DPP6: variants seen among roughly 807,000 people sequenced by gnomAD.
DPP6 encodes the protein dipeptidyl peptidase like 6, also known as A-type potassium channel modulatory protein DPP6.
Under a neutral mutation model 122.6 loss-of-function variants are expected in DPP6, and 69 were observed. That is an observed-to-expected ratio of 0.56 (90% confidence interval 0.46 to 0.69). The LOEUF (loss-of-function observed/expected upper bound fraction) is 0.69, where lower values mean the gene tolerates loss of function less well. Among genes scored for constraint, DPP6 ranks in the 30% least tolerant of loss-of-function variants. DPP6 has a pLI of 0.00. For missense variants in DPP6, 928 were observed against 1,116.9 expected (o/e 0.83, Z 2.41); for synonymous variants, 418 against 433.1 (o/e 0.97, Z 0.43).
intron 4 of DPP6, among the ~76,000 whole-genome samples, chr7:154,563,043 C>A (rs1186573202): frequency 2.0e-5 from 3 of 151,934 alleles, no homozygotes; most frequent in Non-Finnish European, 4.4e-5. Flanking sequence ...TATGATTAGA[C>A]CTAGAGAAAC....
chr7:154,193,089 A>G (rs1798693083), intron 1 of DPP6, among the ~76,000 whole-genome samples: 1 of 152,270 alleles, frequency 6.6e-6, no homozygotes, highest in Admixed American at 6.5e-5. Flanking sequence ...GCCATGGAAG[A>G]GCCAACAAAC....
In DPP6 at chr7:154,574,464, G is replaced by A. The variant is rs1027802973; in HGVS notation, c.627+7548G>A. 4.9e-3 allele frequency among the ~76,000 whole-genome samples: 574 copies of A among 117,092 alleles called. 14 individuals are homozygous for A. In the East Asian group the frequency reaches 0.086, roughly 18 times the overall value. 76.8% of individuals were successfully genotyped at this position (117,092 alleles called of 152,430 possible). On this transcript the variant is annotated intron_variant, in intron 5 of 25. Transcript: ENST00000377770. ...TATGTGTGTGGTGTGTGTGTGGTAC[G>A]TGTATATGTGTGTGGTGTGTGTATG...
intron 1 of DPP6, among the ~76,000 whole-genome samples, chr7:154,275,726 G>A (rs138396864): frequency 2.2e-4 from 33 of 152,328 alleles, no homozygotes; most frequent in Non-Finnish European, 4.0e-4. Flanking sequence ...TCTGTGAGAC[G>A]TTGTGGGGAA....
the DPP6 span, among the ~76,000 whole-genome samples, chr7:153,836,156 C>T: frequency 5.8e-4 from 89 of 152,196 alleles, no homozygotes; most frequent in Admixed American, 1.7e-3. Flanking sequence ...CTCAGTGGTG[C>T]ACAGATTTCA....
intron 1 of DPP6, among the ~76,000 whole-genome samples, chr7:154,372,974 C>G (rs961845189): frequency 6.6e-6 from 1 of 152,188 alleles, no homozygotes; most frequent in African/African-American, 2.4e-5. Context: ...AAATGGAGTT[C>G]GCGTCTCTTC....
At chr7:153,798,381 C>T in the DPP6 span, among the ~76,000 whole-genome samples, 1 of 152,130 alleles carries the variant, frequency 6.6e-6, no homozygotes, top group Non-Finnish European at 1.5e-5. Flanking sequence ...TGTCTTCTAC[C>T]ATCCCCCAGC....
At chr7:154,602,524 T>C (rs1169346080) in intron 5 of DPP6, among the ~76,000 whole-genome samples, 1 of 118,714 alleles carries the variant, frequency 8.4e-6, no homozygotes, top group African/African-American at 2.7e-5. Context: ...TTCAGGTGAG[T>C]CTCCCGCCTC....
intron 1 of DPP6, among the ~76,000 whole-genome samples, chr7:154,374,627 T>C (rs1439075519): frequency 6.6e-6 from 1 of 152,116 alleles, no homozygotes; most frequent in Non-Finnish European, 1.5e-5. Context: ...TTCTTTTTTT[T>C]TGAGACGCAG....
chr7:153,934,234 A>T (rs1050794090), intron 1 of DPP6, among the ~76,000 whole-genome samples: 1 of 152,148 alleles, frequency 6.6e-6, no homozygotes, highest in Non-Finnish European at 1.5e-5. Flanking sequence ...CTCAGCAGGC[A>T]GCAGGCAGGT....
chr7:153,758,813 CA>C, the DPP6 span, among the ~76,000 whole-genome samples: 1 of 151,366 alleles, frequency 6.6e-6, no homozygotes, highest in African/African-American at 2.4e-5. Flanking sequence ...GGGCTATTAC[CA>C]AAAAAGCTTT....
At chr7:154,507,712 T>G (rs1302524411) in intron 3 of DPP6, among the ~76,000 whole-genome samples, 1 of 152,090 alleles carries the variant, frequency 6.6e-6, no homozygotes, top group East Asian at 1.9e-4. Flanking sequence ...AAGAAATCTC[T>G]CAGCAACCCC....
chr7:153,932,854 G>A (rs542109293), intron 1 of DPP6, among the ~76,000 whole-genome samples: 3 of 152,074 alleles, frequency 2.0e-5, no homozygotes, highest in African/African-American at 4.8e-5. Flanking sequence ...AAATCTCATC[G>A]TGAATTGTAG....
In DPP6 at chr7:154,455,035, C is replaced by G. The variant is rs559484906; in HGVS notation, c.358+8707C>G. On this transcript the variant is annotated intron_variant, in intron 2 of 25. Coordinates refer to ENST00000377770, the MANE Select transcript of DPP6 (RefSeq NM_130797.4). ...GCCAGTCCAAGGCAGATTCAGTGCT[C>G]GTGGATATTGTCAAAGTCCAGGTGG... is the stretch of plus-strand genomic sequence containing the variant. Among the ~76,000 whole-genome samples, 7 of 152,204 alleles carry G rather than the reference C, an allele frequency of 4.6e-5. No individual in the cohort carries two copies. The South Asian group carries it at 8.3e-4, about 18-fold the overall frequency.
At chr7:154,883,664 T>TCACA (rs141921306) in intron 21 of DPP6, 37,051 of 125,842 alleles carry the variant, frequency 0.29, 6,588 homozygotes, top group East Asian at 0.51. Flanking sequence ...ATACACATGC[T>TCACA]CACACGATTA....
intron 1 of DPP6, among the ~76,000 whole-genome samples, chr7:154,361,054 T>G (rs1811682025): frequency 6.6e-6 from 1 of 151,930 alleles, no homozygotes. Context: ...ATGAGAAGAT[T>G]TCAGCATTGA....
chr7:154,239,572 C>T (rs780429810), intron 1 of DPP6, among the ~76,000 whole-genome samples: 2 of 151,532 alleles, frequency 1.3e-5, no homozygotes, highest in Non-Finnish European at 2.9e-5. Flanking sequence ...TGTAAGATCA[C>T]AGTATACATA....
rs575102590 is a variant in DPP6 at position 154,524,972 on chromosome 7, G to T, written c.458-15560G>T. Among the ~76,000 whole-genome samples, 443 of 152,202 alleles carry T rather than the reference G, an allele frequency of 2.9e-3. 1 individual carries two copies. The highest frequency in any genetic ancestry group is 4.1e-3 in the Non-Finnish European group (282 of 68,012). On this transcript the variant is annotated intron_variant, in intron 3 of 25. Coordinates refer to ENST00000377770, the MANE Select transcript of DPP6 (RefSeq NM_130797.4). ...TTTTCAAGGATCCCTGGCTCATTTT[G>T]GGGAGAATGGTACTCAGAGACAAAA...
chr7:154,393,722 A>G (rs1270319539), intron 1 of DPP6, among the ~76,000 whole-genome samples: 1 of 152,134 alleles, frequency 6.6e-6, no homozygotes, highest in Non-Finnish European at 1.5e-5. Flanking sequence ...ATAATGTTGT[A>G]TGATGATTAC....
intron 1 of DPP6, among the ~76,000 whole-genome samples, chr7:154,213,263 G>A (rs1233629307): frequency 6.6e-6 from 1 of 152,210 alleles, no homozygotes; most frequent in Non-Finnish European, 1.5e-5. Context: ...GAGTTTGCAA[G>A]TAGCAATTCA....
Sources: allele counts gnomAD v4.1 joint callset (sites outside exome capture counted in the v4.1 genomes callset), GRCh38; gene constraint gnomAD v4.1.1; transcripts MANE v1.5; gene names NCBI Gene and HGNC (gene_info 2026-07-23, HGNC 2026-07-21).